Variants in SPMAP2 observed in about 807,000 individuals in gnomAD.
SPMAP2 encodes sperm microtubule associated protein 2, also known as Theg homolog.
the SPMAP2 span, chr19:362,179 T>G: frequency 2.0e-5 from 29 of 1,451,834 alleles, no homozygotes; most frequent in Non-Finnish European, 2.6e-5. Context: ...TGCCTGAGGG[T>G]GTTTACTGGG....
At chr19:372,755 C>T in the SPMAP2 span, 6 of 1,544,686 alleles carry the variant, frequency 3.9e-6, no homozygotes, top group African/African-American at 6.8e-5. Flanking sequence ...CCCTGCAGTT[C>T]CCAGGGGCTT....
the SPMAP2 span, among the ~76,000 whole-genome samples, chr19:370,914 G>A: frequency 6.6e-6 from 1 of 152,176 alleles, no homozygotes; most frequent in Non-Finnish European, 1.5e-5. Flanking sequence ...AGTCCGGCCT[G>A]AGCTGGGGCG....
the SPMAP2 span, among the ~76,000 whole-genome samples, chr19:366,640 T>C: frequency 1.3e-5 from 2 of 152,192 alleles, no homozygotes; most frequent in Non-Finnish European, 2.9e-5. Context: ...GCTCCCAATC[T>C]ACAACTCCAA....
At chr19:370,669 G>A in the SPMAP2 span, among the ~76,000 whole-genome samples, 2 of 152,144 alleles carry the variant, frequency 1.3e-5, no homozygotes, top group Non-Finnish European at 2.9e-5. Context: ...CAGTTTTATC[G>A]TAACAGTCCT....
chr19:363,255 T>C, the SPMAP2 span, among the ~76,000 whole-genome samples: 48 of 152,226 alleles, frequency 3.2e-4, no homozygotes, highest in East Asian at 7.4e-3. Context: ...TGCAGTGGCG[T>C]GATCTCGGCT....
chr19:371,362 G>T, the SPMAP2 span: 2 of 1,000,874 alleles, frequency 2.0e-6, no homozygotes, highest in Non-Finnish European at 2.8e-6. Flanking sequence ...GCTCGGCCGG[G>T]GGTGGGGGTG....
chr19:373,563 G>C, the SPMAP2 span: 1 of 1,607,226 alleles, frequency 6.2e-7, no homozygotes, highest in Non-Finnish European at 8.5e-7. Context: ...GGGCAAGGGA[G>C]GCAGAGAGCC....
the SPMAP2 span, among the ~76,000 whole-genome samples, chr19:371,605 C>A: frequency 6.6e-6 from 1 of 152,190 alleles, no homozygotes; most frequent in South Asian, 2.1e-4. Flanking sequence ...CAATGTGCAA[C>A]GTCCACCCTC....
the SPMAP2 span, chr19:374,614 T>A: frequency 1.5e-6 from 1 of 673,570 alleles, no homozygotes. Flanking sequence ...GCAGCTCCAC[T>A]GCTCGCTGGA....
the SPMAP2 span, among the ~76,000 whole-genome samples, chr19:364,336 C>CAAAA: frequency 1.4e-3 from 100 of 72,538 alleles, no homozygotes; most frequent in Non-Finnish European, 1.7e-3. Flanking sequence ...AGCTCTGTCT[C>CAAAA]AAAAAAAAAA....
At chr19:376,019 A>ATGTGCC in the SPMAP2 span, 1 of 1,372,046 alleles carries the variant, frequency 7.3e-7, no homozygotes, top group Non-Finnish European at 9.4e-7. Flanking sequence ...CGGCACCCAA[A>ATGTGCC]TGTGTCTGTG....
At chr19:371,096 G>T in the SPMAP2 span, 1 of 606,744 alleles carries the variant, frequency 1.6e-6, no homozygotes. Flanking sequence ...CAGCCGCCCT[G>T]TGCAGCTTCT....
At chr19:375,778 G>A in the SPMAP2 span, 9 of 1,609,914 alleles carry the variant, frequency 5.6e-6, no homozygotes, top group Non-Finnish European at 7.6e-6. Context: ...TCCTCGGGGG[G>A]AAGCTCCTCT....
At chr19:365,790 C>G in the SPMAP2 span, among the ~76,000 whole-genome samples, 1 of 151,882 alleles carries the variant, frequency 6.6e-6, no homozygotes, top group South Asian at 2.1e-4. Flanking sequence ...CAGCCACACT[C>G]TCGCTCTAAC....
the SPMAP2 span, among the ~76,000 whole-genome samples, chr19:369,366 G>A: frequency 4.6e-5 from 7 of 152,200 alleles, no homozygotes; most frequent in South Asian, 2.1e-4. Flanking sequence ...GCAAGACGGC[G>A]GCCAGGATGA....
the SPMAP2 span, among the ~76,000 whole-genome samples, chr19:370,427 C>T: frequency 1.3e-5 from 2 of 151,864 alleles, no homozygotes; most frequent in East Asian, 1.9e-4. Context: ...CTGCAAGCTC[C>T]GCCTCCCGGG....
the SPMAP2 span, chr19:367,266 A>G: frequency 6.5e-7 from 1 of 1,533,396 alleles, no homozygotes; most frequent in Non-Finnish European, 8.7e-7. Flanking sequence ...GAAACAGTCC[A>G]TGATGCCTCG....
the SPMAP2 span, chr19:373,874 G>T: frequency 6.8e-7 from 1 of 1,474,864 alleles, no homozygotes; most frequent in Non-Finnish European, 9.4e-7. Context: ...TGGAGTGAAG[G>T]GGTCCCCTGG....
At chr19:373,672 G>GA in the SPMAP2 span, 1 of 743,324 alleles carries the variant, frequency 1.3e-6, no homozygotes, top group Non-Finnish European at 2.3e-6. Context: ...GAAGGACAGT[G>GA]GGGGGGCCGG....
Sources: allele counts gnomAD v4.1 joint callset (sites outside exome capture counted in the v4.1 genomes callset), GRCh38; gene constraint gnomAD v4.1.1; transcripts MANE v1.5; gene names NCBI Gene and HGNC (gene_info 2026-07-23, HGNC 2026-07-21).